Variants in ENO2 observed in about 807,000 individuals in gnomAD.
ENO2 encodes gamma-enolase.
Under a neutral mutation model 48.7 loss-of-function variants are expected in ENO2, and 19 were observed. The observed-to-expected ratio is 0.39, with a 90% CI of 0.27 to 0.57. ENO2 has a LOEUF of 0.57. ENO2 is among the 20% of genes least tolerant of loss of function. The pLI, the probability that ENO2 is intolerant of heterozygous loss-of-function variation, is 0.58. For missense variants in ENO2, 416 were observed against 555.0 expected (o/e 0.75, Z 2.52); for synonymous variants, 198 against 213.4 (o/e 0.93, Z 0.63).
At position 6,917,742 on chromosome 12, in the gene ENO2, C is replaced by G. The variant is rs201375772; in HGVS notation, c.444+28C>G. On this transcript the variant is annotated intron_variant, in intron 6 of 11. Coordinates refer to ENST00000229277, the MANE Select transcript of ENO2 (RefSeq NM_001975.3). ...GAGCAATAAGCCAGCCTGCGGCTCTCCCAGGGGCGGGTGGGGGAGGGAGCA... is the reference window on the plus strand; with the variant it reads ...GAGCAATAAGCCAGCCTGCGGCTCTGCCAGGGGCGGGTGGGGGAGGGAGCA... 4 of 1,608,980 alleles carry G rather than the reference C, an allele frequency of 2.5e-6. No homozygotes were observed. In the Admixed American group the frequency reaches 6.7e-5, roughly 27 times the overall value.
chr12:6,917,060 A>T lies in ENO2; in HGVS notation c.263A>T (p.Glu88Val). 1 of 1,614,110 alleles carries T rather than the reference A, an allele frequency of 6.2e-7. No homozygotes were observed. Among genetic ancestry groups the T allele is most frequent in the South Asian group, 1.1e-5 (1 of 91,080 alleles). ...ISSGLSVVEQ[E>V]KLDNLMLELD... ...CAGGGTCTCTCTGTGGTGGAGCAAG[A>T]GAAACTGGACAACCTGATGCTGGAG... The change falls in exon 5 of 12, where the codon GAG becomes GTG. Residue 88 changes from glutamate (E) to valine (V), a missense_variant. Transcript: ENST00000229277.
At position 6,916,012 on chromosome 12, in the gene ENO2, G is replaced by A. The variant is rs1038052206; in HGVS notation, c.85+95G>A. ...TTCGGAGGCCTTTTTTGATACCCAGGGGTATGGGGTGCTGGGCCAGGCTCA... is the reference window on the plus strand; with the variant it reads ...TTCGGAGGCCTTTTTTGATACCCAGAGGTATGGGGTGCTGGGCCAGGCTCA... On this transcript the variant is annotated intron_variant, in intron 2 of 11. Coordinates refer to ENST00000229277, the MANE Select transcript of ENO2 (RefSeq NM_001975.3). The surrounding 1 kb of genome is among the most constrained non-coding windows in gnomAD (Gnocchi z 4.5). The A allele has an allele frequency of 2.4e-5, 31 of 1,302,620 alleles. No homozygotes were observed. The South Asian group carries it at 3.6e-4, about 15-fold the overall frequency. 80.7% of individuals were successfully genotyped at this position (1,302,620 alleles called of 1,614,324 possible). A position where few individuals can be genotyped will look rare whatever the true frequency, so the allele number is the denominator to read the frequency against.
At chr12:6,919,853 C>T (rs1202865990) in intron 8 of ENO2, 90 bp downstream of exon 8, 26 of 1,414,084 alleles carry the variant, frequency 1.8e-5, no homozygotes, top group Non-Finnish European at 2.4e-5. Context: ...GACTCAGGCA[C>T]CAGGTGGGGG....
rs1555141545 is a variant in ENO2 at position 6,915,856 on chromosome 12, C to T, written c.24C>T (p.Ala8=). 1.2e-6 allele frequency: 2 copies of T among 1,613,862 alleles called. No individual in the cohort carries two copies. Among genetic ancestry groups the T allele is most frequent in the Admixed American group, 1.7e-5 (1 of 60,008 alleles). Residue 8 remains alanine (A), a synonymous_variant, in exon 2 of 12, where the codon GCC becomes GCT. Coordinates refer to ENST00000229277, the MANE Select transcript of ENO2 (RefSeq NM_001975.3). ...TCATGTCCATAGAGAAGATCTGGGCCCGGGAGATCCTGGACTCCCGCGGGA... is the reference window on the plus strand; with the variant it reads ...TCATGTCCATAGAGAAGATCTGGGCTCGGGAGATCCTGGACTCCCGCGGGA... MSIEKIW[A]REILDSRGNP...
In ENO2 at chr12:6,922,013, C is replaced by G; in HGVS notation, c.1068-43C>G. 6.2e-7 allele frequency: 1 copy of G among 1,608,322 alleles called. No individual in the cohort carries two copies. The highest frequency in any genetic ancestry group is 2.2e-5 in the East Asian group (1 of 44,854). On this transcript the variant is annotated intron_variant, in intron 9 of 11. Transcript: ENST00000229277. This position sits in a 1 kb window ranked among gnomAD's most constrained non-coding sequence, Gnocchi z 5.3. ...CAAGGTTGGGGCTGGGAAGAGAGTGCCCAGTGTGAGAGCTGGAGAATCAGT... is the reference window on the plus strand; with the variant it reads ...CAAGGTTGGGGCTGGGAAGAGAGTGGCCAGTGTGAGAGCTGGAGAATCAGT...
In ENO2 at chr12:6,917,025, G is replaced by A. The variant is rs1555141668; in HGVS notation, c.241-13G>A. The A allele has an allele frequency of 6.2e-7, 1 of 1,614,140 alleles. No individual in the cohort carries two copies. The highest frequency in any genetic ancestry group is 8.5e-7 in the Non-Finnish European group (1 of 1,180,028). On this transcript the variant is annotated splice_polypyrimidine_tract_variant and intron_variant, in intron 4 of 11. Transcript: ENST00000229277. Reference sequence around the variant, plus strand: ...TCCAGCCTGGCCCTGGGTGATGGAGGCTCTGCCCTCAGGGTCTCTCTGTGG... The same window carrying A: ...TCCAGCCTGGCCCTGGGTGATGGAGACTCTGCCCTCAGGGTCTCTCTGTGG...
At position 6,921,629 on chromosome 12, in the gene ENO2, C is replaced by A. The variant is rs747276849; in HGVS notation, c.914C>A (p.Ser305Tyr). The A allele has an allele frequency of 2.5e-6, 4 of 1,614,080 alleles. No homozygotes were observed. The highest frequency in any genetic ancestry group is 1.6e-4 in the Middle Eastern group (1 of 6,062). Residue 305 changes from serine (S) to tyrosine (Y), a missense_variant, in exon 9 of 12, where the codon TCC becomes TAC. Coordinates refer to ENST00000229277, the MANE Select transcript of ENO2 (RefSeq NM_001975.3). ...GACCAGGATGATTGGGCTGCCTGGT[C>A]CAAGTTCACAGCCAATGTAGGGATC... ...PFDQDDWAAW[S>Y]KFTANVGIQI...
intron 5 of ENO2, 22 bp downstream of exon 5, chr12:6,917,129 G>C: frequency 6.2e-7 from 1 of 1,613,850 alleles, no homozygotes; most frequent in Non-Finnish European, 8.5e-7. Context: ...CCGGGAGAAA[G>C]TGGGGAAGCG....
chr12:6,922,046 G>A lies in ENO2; in HGVS notation c.1068-10G>A. On this transcript the variant is annotated splice_polypyrimidine_tract_variant and intron_variant, in intron 9 of 11. Transcript: ENST00000229277. This position sits in a 1 kb window ranked among gnomAD's most constrained non-coding sequence, Gnocchi z 5.3. ...GAGAGCTGGAGAATCAGTGCTGTGT[G>A]TGGATACAGGTGCAAGCTGGCCCAG... 1 of 1,614,132 alleles carries A rather than the reference G, an allele frequency of 6.2e-7. No individual in the cohort carries two copies. The highest frequency in any genetic ancestry group is 8.5e-7 in the Non-Finnish European group (1 of 1,179,986).
In ENO2 at chr12:6,922,533, GT is replaced by G; in HGVS notation, c.1235+136del. Reference sequence around the variant, plus strand: ...GATAACAGTCCAACAGATAATATTGGTTTTTGCTTCCTGGGTTTATTGATGG... The same window carrying G: ...GATAACAGTCCAACAGATAATATTGGTTTTGCTTCCTGGGTTTATTGATGG... On this transcript the variant is annotated intron_variant, in intron 11 of 11. Coordinates refer to ENST00000229277, the MANE Select transcript of ENO2 (RefSeq NM_001975.3). This position sits in a 1 kb window ranked among gnomAD's most constrained non-coding sequence, Gnocchi z 5.3. 7.3e-7 allele frequency: 1 copy of G among 1,364,296 alleles called. No homozygotes were observed. The highest frequency in any genetic ancestry group is 1.0e-6 in the Non-Finnish European group (1 of 963,368). 84.5% of individuals were successfully genotyped at this position (1,364,296 alleles called of 1,614,324 possible).
rs1555142302 is a variant in ENO2, at chr12:6,923,190, G to A, written c.*390G>A. 1.6e-5 allele frequency: 4 copies of A among 243,610 alleles called. No homozygotes were observed. The highest frequency in any genetic ancestry group is 1.8e-4 in the East Asian group (2 of 11,094). 15.1% of individuals were successfully genotyped at this position (243,610 alleles called of 1,614,324 possible). ...CACTTGTGCTTTGCTCTTGTCCCACGTGTCTTCCACTTTGCATATGAGCCG... is the reference window on the plus strand; with the variant it reads ...CACTTGTGCTTTGCTCTTGTCCCACATGTCTTCCACTTTGCATATGAGCCG... On this transcript the variant is annotated 3_prime_UTR_variant, in exon 12 of 12. Coordinates refer to ENST00000229277, the MANE Select transcript of ENO2 (RefSeq NM_001975.3).
At position 6,923,204 on chromosome 12, in the gene ENO2, G is replaced by C. The variant is rs782748788; in HGVS notation, c.*404G>C. ...TCTTGTCCCACGTGTCTTCCACTTT[G>C]CATATGAGCCGTGAACTGTGCATAG... On this transcript the variant is annotated 3_prime_UTR_variant, in exon 12 of 12. Transcript: ENST00000229277. 1 of 234,118 alleles carries C rather than the reference G, an allele frequency of 4.3e-6. No homozygotes were observed. Among genetic ancestry groups the C allele is most frequent in the Admixed American group, 4.9e-5 (1 of 20,386 alleles). The allele number at this position is 234,118 out of a possible 1,614,324, so 14.5% of individuals were successfully genotyped here.
At chr12:6,915,010 T>A (rs2138181244) in intron 1 of ENO2, among the ~76,000 whole-genome samples, 1 of 152,218 alleles carries the variant, frequency 6.6e-6, no homozygotes, top group Admixed American at 6.5e-5. Flanking sequence ...TTTGGGGAAA[T>A]GTCTTCTCTC....
Position 6,917,510 on chromosome 12 carries a change from T to G in ENO2, c.311-71T>G, listed in dbSNP as rs1475104981. The G allele has an allele frequency of 1.9e-6, 3 of 1,560,878 alleles. No individual in the cohort carries two copies. In the East Asian group the frequency reaches 6.7e-5, roughly 35 times the overall value. On this transcript the variant is annotated intron_variant, in intron 5 of 11. Coordinates refer to ENST00000229277, the MANE Select transcript of ENO2 (RefSeq NM_001975.3). ...TCCTTTACTGGCTCCTTTTGGAGAC[T>G]ACAGATGGAGGCAGGAGCTAGAAAG...
Position 6,921,893 on chromosome 12 carries a change from A to G in ENO2, c.1067+111A>G. ...GTGCCAAAGAGAGCGGGGAACCTGG[A>G]ATCATCCTCACAGTTCTCTCACCTC... On this transcript the variant is annotated intron_variant, in intron 9 of 11. Coordinates refer to ENST00000229277, the MANE Select transcript of ENO2 (RefSeq NM_001975.3). The G allele has an allele frequency of 2.7e-6, 4 of 1,508,138 alleles. No homozygotes were observed. In the South Asian group the frequency reaches 3.6e-5, roughly 13 times the overall value. The allele number at this position is 1,508,138 out of a possible 1,614,324, so 93.4% of individuals were successfully genotyped here.
Position 6,923,629 on chromosome 12 carries a change from A to C in ENO2, c.*829A>C, listed in dbSNP as rs892491304. ...AGAGCAACCTCTCACTCCCCATGCC[A>C]CGTTCCACAGTTGCCACCACCTCTG... is the stretch of plus-strand genomic sequence containing the variant. On this transcript the variant is annotated 3_prime_UTR_variant, in exon 12 of 12. Coordinates refer to ENST00000229277, the MANE Select transcript of ENO2 (RefSeq NM_001975.3). 2.6e-5 allele frequency: 4 copies of C among 152,438 alleles called. No homozygotes were observed. The highest frequency in any genetic ancestry group is 2.9e-5 in the Non-Finnish European group (2 of 68,126). 9.4% of individuals were successfully genotyped at this position (152,438 alleles called of 1,614,324 possible). A position where few individuals can be genotyped will look rare whatever the true frequency, so the allele number is the denominator to read the frequency against.
Position 6,918,181 on chromosome 12 carries a change from C to G in ENO2, c.667+19C>G, listed in dbSNP as rs781885979. The G allele has an allele frequency of 6.2e-7, 1 of 1,612,368 alleles. No homozygotes were observed. The highest frequency in any genetic ancestry group is 1.7e-5 in the Admixed American group (1 of 59,978). ...AGTGAAGGTGAGGCCAGGAGCCCCA[C>G]TCCCAGCTCTAAGTCTTACCCTATT... On this transcript the variant is annotated intron_variant, in intron 7 of 11. Coordinates refer to ENST00000229277, the MANE Select transcript of ENO2 (RefSeq NM_001975.3).
rs1399389531 is a variant in ENO2 at position 6,917,968 on chromosome 12, A to G, written c.473A>G (p.His158Arg). Residue 158 changes from histidine (H) to arginine (R), a missense_variant, in exon 7 of 12, where the codon CAT becomes CGT. Coordinates refer to ENST00000229277, the MANE Select transcript of ENO2 (RefSeq NM_001975.3). ...TTCAACGTGATCAATGGTGGCTCTCATGCTGGCAACAAGCTGGCCATGCAG... is the reference window on the plus strand; with the variant it reads ...TTCAACGTGATCAATGGTGGCTCTCGTGCTGGCAACAAGCTGGCCATGCAG... ...PAFNVINGGS[H>R]AGNKLAMQEF... The G allele has an allele frequency of 1.2e-6, 2 of 1,614,000 alleles. No homozygotes were observed. Among genetic ancestry groups the G allele is most frequent in the East Asian group, 2.2e-5 (1 of 44,890 alleles).
intron 1 of ENO2, chr12:6,915,586 G>GC: frequency 2.0e-6 from 1 of 492,278 alleles, no homozygotes; most frequent in South Asian, 2.7e-5. Context: ...ATCTTACCCC[G>GC]CCCCCCACTG....
Sources: allele counts gnomAD v4.1 joint callset (sites outside exome capture counted in the v4.1 genomes callset), GRCh38; gene constraint gnomAD v4.1.1; non-coding constraint Gnocchi (gnomAD v3.1); transcripts MANE v1.5; gene names NCBI Gene and HGNC (gene_info 2026-07-23, HGNC 2026-07-21).